RORA: variants seen among roughly 807,000 people sequenced by gnomAD.
RORA encodes RAR related orphan receptor A.
In RORA, 7 loss-of-function variants were observed where a neutral mutation model predicts 69.5. The ratio of observed to expected loss-of-function variants is 0.10; its 90% confidence interval spans 0.06 to 0.19. The LOEUF is 0.19. Ranked by LOEUF, RORA falls within the 10% of genes least tolerant of loss-of-function variation. The pLI, the probability that RORA is intolerant of heterozygous loss-of-function variation, is 1.00. For synonymous variants in RORA, 261 were observed against 240.8 expected, an observed-to-expected ratio of 1.08 and a Z score of -0.78; for missense variants, 457 against 663.0, an observed-to-expected ratio of 0.69 and a Z score of 3.41.
chr15:60,521,366 C>T (rs1257859373), intron 3 of RORA, among the ~76,000 whole-genome samples: 3 of 151,736 alleles, frequency 2.0e-5, no homozygotes, highest in Non-Finnish European at 2.9e-5. Flanking sequence ...CTCAGCCTCC[C>T]GAGTAGCTGG....
intron 5 of RORA, among the ~76,000 whole-genome samples, chr15:60,506,713 G>A (rs1901994): frequency 0.75 from 113,286 of 151,780 alleles, 43,267 homozygotes; most frequent in South Asian, 0.89. Flanking sequence ...AAAAATTGGC[G>A]TGGTGTTGGC....
chr15:60,880,868 T>A (rs1770056849), intron 1 of RORA, among the ~76,000 whole-genome samples: 1 of 152,156 alleles, frequency 6.6e-6, no homozygotes, highest in Non-Finnish European at 1.5e-5. Context: ...CGCCGATGCA[T>A]TTAACTTTTT....
At position 61,120,992 on chromosome 15, in the gene RORA, C is replaced by T. The variant is rs113757863; in HGVS notation, c.166+108061G>A. 6.5e-3 allele frequency among the ~76,000 whole-genome samples: 989 copies of T among 151,716 alleles called. 12 individuals are homozygous for T. The highest frequency in any genetic ancestry group is 0.022 in the African/African-American group (930 of 41,370). On this transcript the variant is annotated intron_variant, in intron 1 of 10. Transcript: ENST00000335670. ...CTTCCCCAGTAGCTGGGATTACAGG[C>T]GCCTGCCACCACACCCGGCTAATTT...
At chr15:61,146,711 C>T (rs1440248528) in intron 1 of RORA, among the ~76,000 whole-genome samples, 1 of 152,186 alleles carries the variant, frequency 6.6e-6, no homozygotes, top group East Asian at 1.9e-4. Flanking sequence ...AAAATACACA[C>T]CAAAAGGCAC....
At chr15:60,556,651 T>C (rs1476149222) in intron 2 of RORA, among the ~76,000 whole-genome samples, 1 of 152,158 alleles carries the variant, frequency 6.6e-6, no homozygotes, top group African/African-American at 2.4e-5. Flanking sequence ...GCATCTTTTG[T>C]GATAAAACAG....
At chr15:60,796,751 C>T (rs899863984) in intron 1 of RORA, among the ~76,000 whole-genome samples, 6 of 151,880 alleles carry the variant, frequency 4.0e-5, no homozygotes, top group African/African-American at 7.2e-5. Context: ...ATAACAGCAC[C>T]GTTCACAATT....
At chr15:60,968,305 A>G (rs559409163) in intron 1 of RORA, among the ~76,000 whole-genome samples, 2 of 152,354 alleles carry the variant, frequency 1.3e-5, no homozygotes, top group Non-Finnish European at 2.9e-5. Flanking sequence ...GTTATAGCCA[A>G]TAGTCCTTAA....
chr15:60,597,418 G>A (rs1385544144), intron 2 of RORA, among the ~76,000 whole-genome samples: 1 of 148,162 alleles, frequency 6.7e-6, no homozygotes, highest in Admixed American at 6.8e-5. Context: ...AGGAAGGGGA[G>A]AAATGCAAAC....
chr15:60,624,763 C>A (rs1030447911), intron 2 of RORA, among the ~76,000 whole-genome samples: 9 of 152,106 alleles, frequency 5.9e-5, no homozygotes, highest in African/African-American at 2.2e-4. Flanking sequence ...TTCTGTGTAA[C>A]ATCCATCTGT....
At chr15:60,515,963 T>C (rs2899659) in intron 3 of RORA, among the ~76,000 whole-genome samples, 2 of 10,904 alleles carry the variant, frequency 1.8e-4, no homozygotes, top group African/African-American at 6.7e-4. Context: ...ATATTTATAT[T>C]TATATATATT....
rs148050256 is a variant in RORA at position 61,208,869 on chromosome 15, C to T, written c.166+20184G>A. Among the ~76,000 whole-genome samples the T allele has an allele frequency of 3.4e-3, 524 of 152,254 alleles. 2 individuals are homozygous for T. Among genetic ancestry groups the T allele is most frequent in the Non-Finnish European group, 6.0e-3 (407 of 68,018 alleles). Reference sequence around the variant, plus strand: ...ATTAACCATAAAGATAATAAAATATCCTCACAAACAGATGTGCCTGATTCA... The same window carrying T: ...ATTAACCATAAAGATAATAAAATATTCTCACAAACAGATGTGCCTGATTCA... On this transcript the variant is annotated intron_variant, in intron 1 of 10. Coordinates refer to ENST00000335670, the MANE Select transcript of RORA (RefSeq NM_134261.3).
At chr15:60,768,188 G>A (rs749435398) in intron 1 of RORA, among the ~76,000 whole-genome samples, 1 of 152,194 alleles carries the variant, frequency 6.6e-6, no homozygotes, top group East Asian at 1.9e-4. Flanking sequence ...AGACTTTGCC[G>A]CTGCCTCCTC....
intron 2 of RORA, among the ~76,000 whole-genome samples, chr15:60,656,988 G>C (rs1463379535): frequency 6.6e-6 from 1 of 152,206 alleles, no homozygotes. Context: ...TAGAAGAATA[G>C]AAAGACCACT....
At chr15:61,058,705 G>A (rs1324003396) in intron 1 of RORA, among the ~76,000 whole-genome samples, 1 of 152,112 alleles carries the variant, frequency 6.6e-6, no homozygotes, top group Non-Finnish European at 1.5e-5. Context: ...CTCTGTCTAG[G>A]GCCTAGCACT....
chr15:60,995,325 C>G (rs2140373814), intron 1 of RORA, among the ~76,000 whole-genome samples: 1 of 152,328 alleles, frequency 6.6e-6, no homozygotes, highest in Non-Finnish European at 1.5e-5. Context: ...GGGCCTGCCT[C>G]AGGTGTGGCA....
At chr15:61,193,183 A>T (rs928865150) in intron 1 of RORA, among the ~76,000 whole-genome samples, 1 of 152,178 alleles carries the variant, frequency 6.6e-6, no homozygotes, top group Admixed American at 6.5e-5. Context: ...TGTTTCTACC[A>T]TCCTGAAATA....
chr15:60,604,563 G>C (rs1380171289), intron 2 of RORA, among the ~76,000 whole-genome samples: 1 of 152,020 alleles, frequency 6.6e-6, no homozygotes, highest in African/African-American at 2.4e-5. Context: ...CTCCACACTA[G>C]AGTCAGGAAA....
chr15:61,014,830 G>C (rs1374410117), intron 1 of RORA, among the ~76,000 whole-genome samples: 1 of 152,164 alleles, frequency 6.6e-6, no homozygotes, highest in African/African-American at 2.4e-5. Flanking sequence ...CATGCTTAGG[G>C]AACAAGGAAT....
rs2079360721 is a variant in RORA at position 61,147,574 on chromosome 15, G to T, written c.166+81479C>A. ...AGGAAAAAAAGATGAAATTATTTGA[G>T]GAGAAAGTTAGCTGTCCATCAGTAA... On this transcript the variant is annotated intron_variant, in intron 1 of 10. Transcript: ENST00000335670. This position sits in a 1 kb window ranked among gnomAD's most constrained non-coding sequence, Gnocchi z 4.1. Among the ~76,000 whole-genome samples the T allele has an allele frequency of 6.6e-6, 1 of 152,244 alleles. No individual in the cohort carries two copies. The highest frequency in any genetic ancestry group is 6.5e-5 in the Admixed American group (1 of 15,290).
Sources: gnomAD v4.1 joint callset for allele counts (sites outside exome capture counted in the v4.1 genomes callset) on GRCh38, gnomAD v4.1.1 for gene constraint, Gnocchi (gnomAD v3.1) non-coding constraint, MANE v1.5 for transcripts, NCBI Gene and HGNC (gene_info 2026-07-23, HGNC 2026-07-21) for gene names.